Variants in BANP observed in about 807,000 individuals in gnomAD.
The protein encoded by BANP is protein BANP.
Under a neutral mutation model 68.1 loss-of-function variants are expected in BANP, and 11 were observed. That is an observed-to-expected ratio of 0.16 (90% CI 0.10 to 0.27). The LOEUF (loss-of-function observed/expected upper bound fraction) is 0.27, where lower values mean the gene tolerates loss of function less well. Among genes scored for constraint, BANP ranks in the 10% least tolerant of loss-of-function variants. The pLI is 1.00. For missense variants in BANP, 504 were observed against 722.7 expected (o/e 0.70, Z 3.47); for synonymous variants, 329 against 303.2 (o/e 1.09, Z -0.88).
intron 4 of BANP, among the ~76,000 whole-genome samples, chr16:87,988,818 G>T (rs1276114011): frequency 6.6e-6 from 1 of 152,178 alleles, no homozygotes; most frequent in Non-Finnish European, 1.5e-5. Context: ...GTTTAGAGCG[G>T]CTGCATCTGC....
At chr16:88,021,338 T>A (rs1478507152) in intron 7 of BANP, among the ~76,000 whole-genome samples, 5 of 152,164 alleles carry the variant, frequency 3.3e-5, no homozygotes, top group Non-Finnish European at 7.3e-5. Context: ...GGGGTGGGGC[T>A]CCTGGGCTTG....
rs1305437953 is a variant in BANP at position 88,018,747 on chromosome 16, G to C, written c.895+80G>C. On this transcript the variant is annotated intron_variant, in intron 7 of 13. Coordinates refer to ENST00000682872, the MANE Select transcript of BANP (RefSeq NM_001386991.1). This position sits in a 1 kb window ranked among gnomAD's most constrained non-coding sequence, Gnocchi z 7.7. ...CCACATTTCAATGCTGAGGACGCTG[G>C]CATCAGTAGCACCGGCACGGGGCTG... is the stretch of plus-strand genomic sequence containing the variant. 2 of 1,471,484 alleles carry C rather than the reference G, an allele frequency of 1.4e-6. No individual in the cohort carries two copies. The highest frequency in any genetic ancestry group is 1.8e-6 in the Non-Finnish European group (2 of 1,098,032). The allele number at this position is 1,471,484 out of a possible 1,614,324, so 91.2% of individuals were successfully genotyped here.
intron 1 of BANP, among the ~76,000 whole-genome samples, chr16:87,972,651 G>C (rs12925998): frequency 0.34 from 51,810 of 151,946 alleles, 10,261 homozygotes; most frequent in Non-Finnish European, 0.47. Context: ...CAGTGTTTTG[G>C]GTTCTTTCCT....
In BANP at chr16:88,018,236, C is replaced by A. The variant is rs930853527; in HGVS notation, c.656-192C>A. Among the ~76,000 whole-genome samples, 2 of 152,052 alleles carry A rather than the reference C, an allele frequency of 1.3e-5. No individual in the cohort carries two copies. The highest frequency in any genetic ancestry group is 4.8e-5 in the African/African-American group (2 of 41,390). On this transcript the variant is annotated intron_variant, in intron 6 of 13. Coordinates refer to ENST00000682872, the MANE Select transcript of BANP (RefSeq NM_001386991.1). This position sits in a 1 kb window ranked among gnomAD's most constrained non-coding sequence, Gnocchi z 7.7. Reference sequence around the variant, plus strand: ...CGGGGGTGGTGGGATCGTGTCTGTTCCGCGTCAGTTCTTTCTTGGGCAGCA... The same window carrying A: ...CGGGGGTGGTGGGATCGTGTCTGTTACGCGTCAGTTCTTTCTTGGGCAGCA...
intron 13 of BANP, among the ~76,000 whole-genome samples, chr16:88,075,732 A>G (rs1346385245): frequency 1.4e-5 from 2 of 139,780 alleles, no homozygotes; most frequent in African/African-American, 5.4e-5. Context: ...CCAAGACTGT[A>G]TGTTTTTCCT....
chr16:88,066,969 G>A (rs183663059), intron 12 of BANP, among the ~76,000 whole-genome samples: 54 of 152,334 alleles, frequency 3.5e-4, no homozygotes, highest in African/African-American at 1.1e-3. Flanking sequence ...TTGCCACAGC[G>A]GCCTAGACAT....
At position 88,004,174 on chromosome 16, in the gene BANP, A is replaced by G; in HGVS notation, c.363-121A>G. ...GAGTGGACTATGTTGAATGACTCTT[A>G]GGCCTCCCCCTCAGTGCGGGTCCCT... On this transcript the variant is annotated intron_variant, in intron 4 of 13. Coordinates refer to ENST00000682872, the MANE Select transcript of BANP (RefSeq NM_001386991.1). This position sits in a 1 kb window ranked among gnomAD's most constrained non-coding sequence, Gnocchi z 7.0. 1.4e-6 allele frequency: 1 copy of G among 702,430 alleles called. No individual in the cohort carries two copies. Among genetic ancestry groups the G allele is most frequent in the South Asian group, 1.5e-5 (1 of 64,866 alleles). 43.5% of individuals were successfully genotyped at this position (702,430 alleles called of 1,614,324 possible). A position where few individuals can be genotyped will look rare whatever the true frequency, so the allele number is the denominator to read the frequency against.
intron 1 of BANP, among the ~76,000 whole-genome samples, chr16:87,968,115 AC>A (rs2060422822): frequency 6.6e-6 from 1 of 151,608 alleles, no homozygotes; most frequent in African/African-American, 2.4e-5. Flanking sequence ...GCAATCTGTG[AC>A]CCCAAAACGT....
intron 7 of BANP, among the ~76,000 whole-genome samples, chr16:88,019,578 T>TGGGGGGG (rs1257329356): frequency 9.4e-5 from 1 of 10,594 alleles, no homozygotes; most frequent in Non-Finnish European, 2.1e-4. Flanking sequence ...GGGCGGGGCG[T>TGGGGGGG]CCGGGATCTC....
chr16:87,985,763 G>C (rs1057284483), intron 4 of BANP, among the ~76,000 whole-genome samples: 1 of 152,210 alleles, frequency 6.6e-6, no homozygotes, highest in Non-Finnish European at 1.5e-5. Context: ...ACGGACCCAG[G>C]TGTGACACTG....
chr16:88,076,822 A>T lies in BANP; in HGVS notation c.*161A>T. The T allele has an allele frequency of 3.2e-6, 2 of 615,502 alleles. No individual in the cohort carries two copies. Among genetic ancestry groups the T allele is most frequent in the Non-Finnish European group, 2.7e-6 (1 of 363,944 alleles). The allele number at this position is 615,502 out of a possible 1,614,324, so 38.1% of individuals were successfully genotyped here. A position where few individuals can be genotyped will look rare whatever the true frequency, so the allele number is the denominator to read the frequency against. On this transcript the variant is annotated 3_prime_UTR_variant, in exon 14 of 14. Coordinates refer to ENST00000682872, the MANE Select transcript of BANP (RefSeq NM_001386991.1). Reference sequence around the variant, plus strand: ...GCGGGGAACAGCATCCTATCAACTGAAAGAGCAGCCGCCGCCGCCCCCAGC... The same window carrying T: ...GCGGGGAACAGCATCCTATCAACTGTAAGAGCAGCCGCCGCCGCCCCCAGC...
intron 12 of BANP, among the ~76,000 whole-genome samples, chr16:88,066,368 G>A (rs1025482182): frequency 6.6e-6 from 1 of 152,222 alleles, no homozygotes; most frequent in Non-Finnish European, 1.5e-5. Context: ...CGGGAGTTTG[G>A]TGTCGTTTCT....
Position 88,071,623 on chromosome 16 carries a change from T to C in BANP, c.1378-446T>C, listed in dbSNP as rs189187834. 322 of 460,554 alleles carry C rather than the reference T, an allele frequency of 7.0e-4. 3 individuals are homozygous for C. Among genetic ancestry groups the C allele is most frequent in the African/African-American group, 6.1e-3 (309 of 50,358 alleles). 28.5% of individuals were successfully genotyped at this position (460,554 alleles called of 1,614,324 possible). A position where few individuals can be genotyped will look rare whatever the true frequency, so the allele number is the denominator to read the frequency against. On this transcript the variant is annotated intron_variant, in intron 12 of 13. Transcript: ENST00000682872. The surrounding 1 kb of genome is among the most constrained non-coding windows in gnomAD (Gnocchi z 6.5). ...CCTTGAGGTCACTCTGCCTTGGGAA[T>C]GGGGAGGGTTTGGGTCTCAGCCTCA...
chr16:88,060,694 C>G (rs1215593041), intron 11 of BANP, among the ~76,000 whole-genome samples: 1 of 151,994 alleles, frequency 6.6e-6, no homozygotes, highest in Non-Finnish European at 1.5e-5. Context: ...GGGCTGGCAT[C>G]TCAGCCCCTC....
At chr16:87,949,956 C>G (rs895615246), upstream of BANP, among the ~76,000 whole-genome samples, 1 of 151,532 alleles carries the variant, frequency 6.6e-6, no homozygotes, top group Non-Finnish European at 1.5e-5. Flanking sequence ...CGGCTCACTG[C>G]AAGCTCCGCC....
At chr16:88,046,369 G>A (rs536159785) in intron 11 of BANP, among the ~76,000 whole-genome samples, 11 of 152,262 alleles carry the variant, frequency 7.2e-5, no homozygotes, top group Non-Finnish European at 1.5e-4. Context: ...GAACCTCATC[G>A]CTGTAAAGCA....
intron 2 of BANP, 162 bp downstream of exon 2, chr16:87,975,347 T>G: frequency 4.3e-6 from 3 of 697,386 alleles, no homozygotes; most frequent in Non-Finnish European, 7.3e-6. Flanking sequence ...GGCCCCTCCC[T>G]TCCCTCGCCC....
chr16:88,068,672 C>T (rs2089461973), intron 12 of BANP, among the ~76,000 whole-genome samples: 2 of 151,974 alleles, frequency 1.3e-5, no homozygotes, highest in Admixed American at 6.6e-5. Context: ...TGGGTGGCTG[C>T]GGATCCACCC....
In BANP at chr16:88,018,387, T is replaced by C. The variant is rs763240772; in HGVS notation, c.656-41T>C. The stretch of plus-strand genomic sequence containing the variant: ...TCTGCTGTCCTGAATGTGAGCTTAT[T>C]TGAGCCTTGGCCATCTGAGGACCTG... On this transcript the variant is annotated intron_variant, in intron 6 of 13. Transcript: ENST00000682872. The surrounding 1 kb of genome is among the most constrained non-coding windows in gnomAD (Gnocchi z 7.7). 1.8e-5 allele frequency: 28 copies of C among 1,587,932 alleles called. No homozygotes were observed. In the Middle Eastern group the frequency reaches 6.5e-4, roughly 37 times the overall value.
Sources: gnomAD v4.1 joint callset for allele counts (sites outside exome capture counted in the v4.1 genomes callset) on GRCh38, gnomAD v4.1.1 for gene constraint, Gnocchi (gnomAD v3.1) non-coding constraint, MANE v1.5 for transcripts, NCBI Gene and HGNC (gene_info 2026-07-23, HGNC 2026-07-21) for gene names.